C3: variants seen among roughly 807,000 people sequenced by gnomAD.
C3 encodes C3 and PZP-like alpha-2-macroglobulin domain-containing protein 1.
A neutral mutation model predicts 207.9 loss-of-function variants in C3; 97 were observed. That is an observed-to-expected ratio of 0.47 (90% CI 0.40 to 0.55). The LOEUF is 0.55. C3 is among the 20% of genes least tolerant of loss of function. The pLI, the probability that C3 is intolerant of heterozygous loss-of-function variation, is 0.00. For missense variants in C3, 1,684 were observed against 2,171.7 expected, an observed-to-expected ratio of 0.78 and a Z score of 4.46; for synonymous variants, 848 against 857.6, an observed-to-expected ratio of 0.99 and a Z score of 0.20.
At position 6,708,619 on chromosome 19, in the gene C3, T is replaced by A. The variant is rs1353725755; in HGVS notation, c.1846-690A>T. Among the ~76,000 whole-genome samples the A allele has an allele frequency of 2.0e-5, 3 of 146,530 alleles. No individual in the cohort carries two copies. In the East Asian group the frequency reaches 6.3e-4, roughly 31 times the overall value. On this transcript the variant is annotated intron_variant, in intron 14 of 40. Transcript: ENST00000245907. ...TCTTCACTCCCTCCCTCCCTTCCTCTTTATCTCCTTTCTTTTTCTTTCTCT... is the reference window on the plus strand; with the variant it reads ...TCTTCACTCCCTCCCTCCCTTCCTCATTATCTCCTTTCTTTTTCTTTCTCT...
intron 4 of C3, among the ~76,000 whole-genome samples, chr19:6,715,623 T>TTTG: frequency 6.7e-6 from 1 of 148,236 alleles, no homozygotes; most frequent in Non-Finnish European, 1.5e-5. Context: ...TTTTTTGTTT[T>TTTG]TTTTGTTTTT....
At chr19:6,714,866 A>C (rs1224425884) in intron 4 of C3, among the ~76,000 whole-genome samples, 1 of 152,078 alleles carries the variant, frequency 6.6e-6, no homozygotes, top group Non-Finnish European at 1.5e-5. Flanking sequence ...TGTCTCGAAA[A>C]AAAGAACAAG....
chr19:6,697,831 C>T (rs1490332839), intron 19 of C3, 37 bp from the exon 20 acceptor site: 11 of 1,599,080 alleles, frequency 6.9e-6, no homozygotes, highest in Admixed American at 3.5e-5. Flanking sequence ...GTGTCAAGGT[C>T]GGGGAGTGGA....
At chr19:6,697,207 TG>T in intron 21 of C3, 136 bp downstream of exon 21, 2 of 736,928 alleles carry the variant, frequency 2.7e-6, no homozygotes, top group Non-Finnish European at 4.8e-6. Context: ...TCTGAAATTC[TG>T]GGACTTCCAA....
chr19:6,710,596 TAGGGAG>T lies in C3; in HGVS notation c.1686+37_1686+42del, dbSNP rs750727397. 7.6e-6 allele frequency: 10 copies of T among 1,321,376 alleles called. No individual in the cohort carries two copies. In the Admixed American group the frequency reaches 1.6e-4, roughly 21 times the overall value. 81.9% of individuals were successfully genotyped at this position (1,321,376 alleles called of 1,614,324 possible). On this transcript the variant is annotated intron_variant, in intron 13 of 40. Coordinates refer to ENST00000245907, the MANE Select transcript of C3 (RefSeq NM_000064.4). Reference sequence around the variant, plus strand: ...AGGGAGAGAGAGAGAGAGAGAGGAGTAGGGAGAGGGAGAGGGGGCGAGCGAGCCCAG... The same window carrying T: ...AGGGAGAGAGAGAGAGAGAGAGGAGTAGGGAGAGGGGGCGAGCGAGCCCAG...
Position 6,712,420 on chromosome 19 carries a change from T to A in C3, c.1120-14A>T. On this transcript the variant is annotated splice_polypyrimidine_tract_variant and intron_variant, in intron 10 of 40. Transcript: ENST00000245907. Reference sequence around the variant, plus strand: ...CGTCACGAACACCTGTGATGTGGGGTGCAGGTGGGGGAAGTTCAGGCAGGC... The same window carrying A: ...CGTCACGAACACCTGTGATGTGGGGAGCAGGTGGGGGAAGTTCAGGCAGGC... 1 of 1,614,050 alleles carries A rather than the reference T, an allele frequency of 6.2e-7. No individual in the cohort carries two copies.
At chr19:6,688,383 C>T (rs1347185751) in intron 27 of C3, among the ~76,000 whole-genome samples, 1 of 152,232 alleles carries the variant, frequency 6.6e-6, no homozygotes, top group Non-Finnish European at 1.5e-5. Flanking sequence ...ATCTGCCGGC[C>T]TTGGCTTCCC....
Position 6,684,828 on chromosome 19 carries a change from C to G in C3, c.3976G>C (p.Glu1326Gln). The change falls in exon 31 of 41, where the codon GAA (glutamate) becomes CAA (glutamine). Residue 1326 changes from glutamate to glutamine, a missense_variant. Transcript: ENST00000245907. The part of the protein sequence containing the change: ...ASLLRSEETK[E>Q]NEGFTVTAEG... Reference sequence around the variant, plus strand: ...GCTGTGACTGTGAAACCCTCATTTTCCTTGGTCTGCAGAGTGAAAAGAGAG... The same window carrying G: ...GCTGTGACTGTGAAACCCTCATTTTGCTTGGTCTGCAGAGTGAAAAGAGAG... The G allele has an allele frequency of 1.2e-6, 2 of 1,614,122 alleles. No individual in the cohort carries two copies. Among genetic ancestry groups the G allele is most frequent in the Non-Finnish European group, 8.5e-7 (1 of 1,180,002 alleles).
intron 19 of C3, among the ~76,000 whole-genome samples, chr19:6,699,226 CTCTTT>C (rs1225786728): frequency 7.2e-5 from 10 of 138,034 alleles, no homozygotes; most frequent in South Asian, 2.3e-4. Flanking sequence ...CCTTTTCTTT[CTCTTT>C]TCTTTTCTTT....
chr19:6,696,531 C>G, intron 22 of C3, 62 bp downstream of exon 22: 1 of 1,599,858 alleles, frequency 6.3e-7, no homozygotes, highest in Non-Finnish European at 8.6e-7. Context: ...CTCACTAAAC[C>G]CAGGTCATTT....
intron 35 of C3, among the ~76,000 whole-genome samples, chr19:6,681,415 G>A (rs1197548296): frequency 3.3e-5 from 5 of 150,184 alleles, no homozygotes; most frequent in Admixed American, 1.3e-4. Context: ...GTGCAGTGTC[G>A]CAGGCCTGCA....
chr19:6,688,641 T>G (rs1176365995), intron 27 of C3, among the ~76,000 whole-genome samples: 1 of 152,108 alleles, frequency 6.6e-6, no homozygotes, highest in Non-Finnish European at 1.5e-5. Flanking sequence ...TGCCTCAGCA[T>G]CTTGAGTAGT....
At chr19:6,686,709 C>T (rs1918017611) in intron 28 of C3, 37 bp downstream of exon 28, 1 of 1,606,118 alleles carries the variant, frequency 6.2e-7, no homozygotes, top group South Asian at 1.1e-5. Context: ...GAACTTCAGC[C>T]ATGCATCTCC....
At chr19:6,703,615 A>T (rs1967716989) in intron 17 of C3, among the ~76,000 whole-genome samples, 1 of 151,994 alleles carries the variant, frequency 6.6e-6, no homozygotes, top group South Asian at 2.1e-4. Context: ...TCAAAAAAAG[A>T]TAATAATAAA....
chr19:6,710,412 A>G (rs1431069323), intron 13 of C3, among the ~76,000 whole-genome samples: 1 of 149,632 alleles, frequency 6.7e-6, no homozygotes, highest in East Asian at 2.0e-4. Flanking sequence ...AGAAGGAAAG[A>G]GAAATAAAGA....
At chr19:6,702,669 A>T in intron 17 of C3, 90 bp from the exon 18 acceptor site, 1 of 881,120 alleles carries the variant, frequency 1.1e-6, no homozygotes, top group Non-Finnish European at 1.9e-6. Flanking sequence ...AGGCCAAGGC[A>T]GGTGGATCAC....
At chr19:6,705,394 G>A (rs1303922146) in intron 17 of C3, among the ~76,000 whole-genome samples, 2 of 149,012 alleles carry the variant, frequency 1.3e-5, no homozygotes, top group African/African-American at 5.0e-5. Flanking sequence ...CCAGGCTGGA[G>A]TGCGGTGGTG....
intron 14 of C3, among the ~76,000 whole-genome samples, chr19:6,708,357 G>A (rs1470597033): frequency 1.3e-5 from 2 of 152,010 alleles, no homozygotes; most frequent in Admixed American, 6.6e-5. Context: ...GGCTGGTCTC[G>A]AACTCCTGAC....
At chr19:6,698,089 T>G (rs1427255998) in intron 19 of C3, among the ~76,000 whole-genome samples, 2 of 151,956 alleles carry the variant, frequency 1.3e-5, no homozygotes, top group East Asian at 3.9e-4. Context: ...CCATCTCGGC[T>G]CAACGCAACC....
Sources: allele counts gnomAD v4.1 joint callset (sites outside exome capture counted in the v4.1 genomes callset), GRCh38; gene constraint gnomAD v4.1.1; transcripts MANE v1.5; gene names NCBI Gene and HGNC (gene_info 2026-07-23, HGNC 2026-07-21).